Variants in POU2AF2 observed in about 807,000 individuals in gnomAD.
The protein encoded by POU2AF2 is POU class 2 homeobox associating factor 2, also known as POU domain class 2-associating factor 2.
the POU2AF2 span, among the ~76,000 whole-genome samples, chr11:111,255,077 G>C: frequency 1.3e-5 from 2 of 152,084 alleles, no homozygotes; most frequent in Non-Finnish European, 2.9e-5. Context: ...ACTATCCCTA[G>C]AAGCAATGCT....
the POU2AF2 span, among the ~76,000 whole-genome samples, chr11:111,273,247 G>A: frequency 6.6e-6 from 1 of 151,980 alleles, no homozygotes. Flanking sequence ...CTGGGGAGAT[G>A]TTACAACCTA....
the POU2AF2 span, among the ~76,000 whole-genome samples, chr11:111,257,522 C>T: frequency 9.2e-5 from 14 of 152,168 alleles, no homozygotes; most frequent in Admixed American, 9.2e-4. Context: ...GCGCCTGCCA[C>T]CACGCCCCAC....
At chr11:111,285,924 T>A in the POU2AF2 span, 14 of 1,613,858 alleles carry the variant, frequency 8.7e-6, no homozygotes, top group East Asian at 2.7e-4. Flanking sequence ...TCAAATGACC[T>A]ACCGCCCAAG....
the POU2AF2 span, among the ~76,000 whole-genome samples, chr11:111,254,811 A>G: frequency 6.6e-6 from 1 of 152,204 alleles, no homozygotes; most frequent in Non-Finnish European, 1.5e-5. Context: ...ATATTCTGCC[A>G]TACACACTGA....
the POU2AF2 span, among the ~76,000 whole-genome samples, chr11:111,262,650 G>A: frequency 5.3e-5 from 8 of 152,236 alleles, no homozygotes; most frequent in Admixed American, 1.3e-4. Flanking sequence ...TCCTTCTTTC[G>A]TCTGTTTGAA....
At chr11:111,276,453 A>AT in the POU2AF2 span, among the ~76,000 whole-genome samples, 188 of 37,594 alleles carry the variant, frequency 5.0e-3, 2 homozygotes, top group African/African-American at 0.016. Context: ...AAAAAAAAAA[A>AT]ATATATATAT....
chr11:111,257,199 A>G, the POU2AF2 span, among the ~76,000 whole-genome samples: 1 of 152,300 alleles, frequency 6.6e-6, no homozygotes, highest in African/African-American at 2.4e-5. Flanking sequence ...TACCTAGTGC[A>G]GGGGCTGATA....
At chr11:111,263,434 T>TC in the POU2AF2 span, among the ~76,000 whole-genome samples, 1 of 144,924 alleles carries the variant, frequency 6.9e-6, no homozygotes, top group East Asian at 2.0e-4. Context: ...GTTCTTTTTT[T>TC]TTTTTTTTTT....
the POU2AF2 span, among the ~76,000 whole-genome samples, chr11:111,271,721 G>A: frequency 6.6e-6 from 1 of 152,090 alleles, no homozygotes; most frequent in Admixed American, 6.5e-5. Context: ...ACTGTACCTG[G>A]CACAAAAAAG....
the POU2AF2 span, among the ~76,000 whole-genome samples, chr11:111,271,064 TG>T: frequency 6.6e-6 from 1 of 152,236 alleles, no homozygotes; most frequent in Non-Finnish European, 1.5e-5. Context: ...GGCTCATGCC[TG>T]TAATCTCAGC....
chr11:111,268,477 TTTTTATTTTATTTTATTTTA>T, the POU2AF2 span, among the ~76,000 whole-genome samples: 22 of 77,556 alleles, frequency 2.8e-4, 1 homozygote, highest in African/African-American at 3.4e-4. Flanking sequence ...CATTTTTCTT[TTTTTATTTTATTTTATTTTA>T]TTTTATTTTA....
the POU2AF2 span, among the ~76,000 whole-genome samples, chr11:111,272,867 T>C: frequency 6.6e-6 from 1 of 152,176 alleles, no homozygotes; most frequent in East Asian, 1.9e-4. Context: ...CCACCTTGTG[T>C]TTGGTTCACA....
At chr11:111,284,070 C>T in the POU2AF2 span, 83 of 1,605,726 alleles carry the variant, frequency 5.2e-5, no homozygotes, top group South Asian at 8.5e-4. Flanking sequence ...TTTCATTTGG[C>T]AACAGGTTCG....
chr11:111,261,330 C>G, the POU2AF2 span, among the ~76,000 whole-genome samples: 2 of 151,824 alleles, frequency 1.3e-5, no homozygotes, highest in South Asian at 4.2e-4. Context: ...TTGAACTACA[C>G]TATTTCAATT....
At chr11:111,283,058 C>CTT in the POU2AF2 span, among the ~76,000 whole-genome samples, 33,517 of 118,306 alleles carry the variant, frequency 0.28, 5,819 homozygotes, top group South Asian at 0.52. Context: ...AAACTTTTTA[C>CTT]TTTTTTTTTT....
chr11:111,281,260 G>A, the POU2AF2 span: 1 of 583,572 alleles, frequency 1.7e-6, no homozygotes, highest in Non-Finnish European at 2.9e-6. Flanking sequence ...CTTATTCTCA[G>A]TTGACCTGAG....
the POU2AF2 span, among the ~76,000 whole-genome samples, chr11:111,247,191 C>CAGAGAG: frequency 0.032 from 4,613 of 144,812 alleles, 99 homozygotes; most frequent in East Asian, 0.071. Flanking sequence ...TACACACACA[C>CAGAGAG]AGAGAGAGAG....
the POU2AF2 span, among the ~76,000 whole-genome samples, chr11:111,254,211 C>T: frequency 6.6e-6 from 1 of 152,134 alleles, no homozygotes. Context: ...TCCTTTGGAA[C>T]AATCATAAGA....
chr11:111,250,358 A>G, the POU2AF2 span, among the ~76,000 whole-genome samples: 1 of 152,252 alleles, frequency 6.6e-6, no homozygotes, highest in Admixed American at 6.5e-5. Flanking sequence ...TAAGAGTCAT[A>G]GTACTCTTCT....
Sources: gnomAD v4.1 joint callset for allele counts (sites outside exome capture counted in the v4.1 genomes callset) on GRCh38, gnomAD v4.1.1 for gene constraint, MANE v1.5 for transcripts, NCBI Gene and HGNC (gene_info 2026-07-23, HGNC 2026-07-21) for gene names.